Variants in SLCO3A1 observed in about 807,000 individuals in gnomAD.
SLCO3A1 encodes the protein PGE1 transporter.
Under a neutral mutation model 63.1 loss-of-function variants are expected in SLCO3A1, and 27 were observed. The ratio of observed to expected loss-of-function variants is 0.43; its 90% CI spans 0.32 to 0.59. The LOEUF is 0.59. SLCO3A1 is among the 20% of genes least tolerant of loss of function. The pLI is 0.09. For missense variants in SLCO3A1, 773 were observed against 945.8 expected (o/e 0.82, Z 2.40); for synonymous variants, 473 against 409.9 (o/e 1.15, Z -1.86).
chr15:92,115,815 CAAAAAAA>C (rs765666191), intron 4 of SLCO3A1, among the ~76,000 whole-genome samples: 2,321 of 86,732 alleles, frequency 0.027, 27 homozygotes, highest in Non-Finnish European at 0.035. Flanking sequence ...TCTCTTCCCT[CAAAAAAA>C]AAAAAAAAAA....
chr15:92,071,547 C>T lies in SLCO3A1; in HGVS notation c.647-23334C>T, dbSNP rs377477147. On this transcript the variant is annotated intron_variant, in intron 2 of 9. Transcript: ENST00000318445. ...ATTTGAAGCTAAGTGTCACCCATCT[C>T]GGAATAATTGTCCGCCAGCACTAGA... Among the ~76,000 whole-genome samples the T allele has an allele frequency of 1.2e-4, 19 of 152,318 alleles. No homozygotes were observed. The South Asian group carries it at 2.3e-3, about 18-fold the overall frequency.
chr15:92,039,902 A>C (rs890380530), intron 2 of SLCO3A1, among the ~76,000 whole-genome samples: 11 of 152,232 alleles, frequency 7.2e-5, no homozygotes, highest in African/African-American at 2.4e-4. Flanking sequence ...GAATGAGATC[A>C]TGTCCTTTGC....
chr15:91,989,176 G>A (rs537234400), intron 2 of SLCO3A1, among the ~76,000 whole-genome samples: 20 of 152,230 alleles, frequency 1.3e-4, no homozygotes, highest in African/African-American at 2.6e-4. Flanking sequence ...TTAACCTGCC[G>A]CAAATGTGTG....
At chr15:92,006,500 A>G (rs2046314305) in intron 2 of SLCO3A1, among the ~76,000 whole-genome samples, 1 of 152,128 alleles carries the variant, frequency 6.6e-6, no homozygotes, top group Non-Finnish European at 1.5e-5. Flanking sequence ...TTTTCCCACA[A>G]ATAATGAGTG....
rs1408128178 is a variant in SLCO3A1 at position 91,975,779 on chromosome 15, C to T, written c.646+59321C>T. ...CCCCTTACAGCCACCCAGTGGTGGACGCTCCAAGGCAGGCAAGAGGAGCAG... is the reference window on the plus strand; with the variant it reads ...CCCCTTACAGCCACCCAGTGGTGGATGCTCCAAGGCAGGCAAGAGGAGCAG... On this transcript the variant is annotated intron_variant, in intron 2 of 9. Coordinates refer to ENST00000318445, the MANE Select transcript of SLCO3A1 (RefSeq NM_013272.4). Among the ~76,000 whole-genome samples, 7 of 152,192 alleles carry T rather than the reference C, an allele frequency of 4.6e-5. No homozygotes were observed. In the East Asian group the frequency reaches 5.8e-4, roughly 13 times the overall value.
At chr15:92,026,971 T>A (rs1320014666) in intron 2 of SLCO3A1, among the ~76,000 whole-genome samples, 3 of 152,002 alleles carry the variant, frequency 2.0e-5, no homozygotes, top group Non-Finnish European at 4.4e-5. Context: ...ACGCCTGTAA[T>A]CCCAGCTACT....
At chr15:91,976,142 A>G (rs963163169) in intron 2 of SLCO3A1, among the ~76,000 whole-genome samples, 1 of 152,188 alleles carries the variant, frequency 6.6e-6, no homozygotes, top group African/African-American at 2.4e-5. Flanking sequence ...CTGGGCTAGA[A>G]AGCAGAAATG....
At chr15:92,105,076 G>A (rs185072807) in intron 4 of SLCO3A1, among the ~76,000 whole-genome samples, 5 of 152,100 alleles carry the variant, frequency 3.3e-5, no homozygotes, top group African/African-American at 1.2e-4. Context: ...AGACCAGCCT[G>A]GCCAACGTGG....
At chr15:92,063,984 C>T (rs7171310) in intron 2 of SLCO3A1, among the ~76,000 whole-genome samples, 117,551 of 152,194 alleles carry the variant, frequency 0.77, 45,670 homozygotes, top group Admixed American at 0.87. Flanking sequence ...ATTCCCATTT[C>T]ATAGATGGGA....
rs1404086543 is a variant in SLCO3A1, at chr15:91,859,759, TAGTG to T, written c.180+5676_180+5679del. Among the ~76,000 whole-genome samples the T allele has an allele frequency of 2.0e-5, 3 of 152,182 alleles. No individual in the cohort carries two copies. The highest frequency in any genetic ancestry group is 4.4e-5 in the Non-Finnish European group (3 of 68,024). ...AGCACCTTGAACAATATCTGGCACA[TAGTG>T]AGTGCCCAGGAAATATTAGCTATTA... On this transcript the variant is annotated intron_variant, in intron 1 of 9. Transcript: ENST00000318445. The surrounding 1 kb of genome is among the most constrained non-coding windows in gnomAD (Gnocchi z 5.1).
chr15:92,148,902 A>AAAC (rs879329505), intron 8 of SLCO3A1: 5 of 152,248 alleles, frequency 3.3e-5, no homozygotes, highest in African/African-American at 1.2e-4. Context: ...ATTGAATTTA[A>AAAC]AACTATTTAG....
chr15:91,910,533 C>G (rs1898451410), intron 1 of SLCO3A1, among the ~76,000 whole-genome samples: 1 of 152,204 alleles, frequency 6.6e-6, no homozygotes, highest in African/African-American at 2.4e-5. Flanking sequence ...CTACTGTGGG[C>G]CAGCTGCTCT....
At chr15:92,104,246 T>G (rs752357503) in intron 3 of SLCO3A1, 33 bp from the exon 4 acceptor site, 2 of 1,608,296 alleles carry the variant, frequency 1.2e-6, no homozygotes, top group African/African-American at 1.3e-5. Context: ...CAGCCTTCTT[T>G]TCTCCACTAA....
At chr15:92,142,971 C>T (rs761564506) in intron 7 of SLCO3A1, among the ~76,000 whole-genome samples, 7 of 152,002 alleles carry the variant, frequency 4.6e-5, no homozygotes, top group East Asian at 1.9e-4. Flanking sequence ...GAAAGCTCAC[C>T]GATCACATGG....
rs919417971 is a variant in SLCO3A1 at position 91,860,650 on chromosome 15, C to T, written c.180+6562C>T. 2.6e-5 allele frequency among the ~76,000 whole-genome samples: 4 copies of T among 152,146 alleles called. No homozygotes were observed. The highest frequency in any genetic ancestry group is 9.7e-5 in the African/African-American group (4 of 41,420). ...GCTGAGTGACCAATTCAAGGGAGCC[C>T]GAGGTGTCAGGAGGGCGAGGACAAA... On this transcript the variant is annotated intron_variant, in intron 1 of 9. Coordinates refer to ENST00000318445, the MANE Select transcript of SLCO3A1 (RefSeq NM_013272.4). The surrounding 1 kb of genome is among the most constrained non-coding windows in gnomAD (Gnocchi z 5.5).
intron 1 of SLCO3A1, among the ~76,000 whole-genome samples, chr15:91,873,683 A>T (rs935977589): frequency 6.6e-6 from 1 of 152,170 alleles, no homozygotes; most frequent in African/African-American, 2.4e-5. Context: ...TTCCCTATAA[A>T]ACTGCAACCC....
At chr15:91,937,353 T>C (rs1899450840) in intron 2 of SLCO3A1, among the ~76,000 whole-genome samples, 1 of 152,158 alleles carries the variant, frequency 6.6e-6, no homozygotes, top group Non-Finnish European at 1.5e-5. Context: ...AAGCTTTGAC[T>C]GTTCTGCCCG....
chr15:91,919,210 A>G (rs970577239), intron 2 of SLCO3A1, among the ~76,000 whole-genome samples: 9 of 152,304 alleles, frequency 5.9e-5, no homozygotes, highest in Admixed American at 2.6e-4. Context: ...GAAGCATTCC[A>G]TCTTGAATCA....
Position 92,164,853 on chromosome 15 carries a change from G to T in SLCO3A1, c.*1718G>T, listed in dbSNP as rs192765272. 1.0e-6 allele frequency: 1 copy of T among 985,368 alleles called. No homozygotes were observed. The highest frequency in any genetic ancestry group is 1.2e-6 in the Non-Finnish European group (1 of 829,934). 61.0% of individuals were successfully genotyped at this position (985,368 alleles called of 1,614,324 possible). The stretch of plus-strand genomic sequence containing the variant: ...ATTTCTGTAAGGGGACAGAGCTTAG[G>T]TAAAGGCACACACTCATACACACAC... On this transcript the variant is annotated 3_prime_UTR_variant, in exon 10 of 10. Coordinates refer to ENST00000318445, the MANE Select transcript of SLCO3A1 (RefSeq NM_013272.4).
Sources: gnomAD v4.1 joint callset for allele counts (sites outside exome capture counted in the v4.1 genomes callset) on GRCh38, gnomAD v4.1.1 for gene constraint, Gnocchi (gnomAD v3.1) non-coding constraint, MANE v1.5 for transcripts, NCBI Gene and HGNC (gene_info 2026-07-23, HGNC 2026-07-21) for gene names.